The following PTPRG variants were observed in gnomAD, a reference collection of about 807,000 sequenced individuals.
The protein encoded by PTPRG is protein tyrosine phosphatase receptor type G, also known as receptor-type tyrosine-protein phosphatase gamma.
In PTPRG, 102 loss-of-function variants were observed where a neutral mutation model predicts 165.3. The ratio of observed to expected loss-of-function variants is 0.62; its 90% CI spans 0.53 to 0.73. PTPRG has a LOEUF of 0.73. Ranked by LOEUF, PTPRG falls within the 30% of genes least tolerant of loss-of-function variation. The probability of loss-of-function intolerance (pLI) is 0.00; values close to 1 mark genes in which losing one functional copy is unlikely to be tolerated. For missense variants in PTPRG, 1,866 were observed against 1,861.4 expected (o/e 1.00, Z -0.05); for synonymous variants, 675 against 669.5 (o/e 1.01, Z -0.13).
intron 2 of PTPRG, among the ~76,000 whole-genome samples, chr3:61,938,392 T>C (rs541519773): frequency 1.5e-4 from 23 of 152,214 alleles, no homozygotes; most frequent in Non-Finnish European, 2.9e-4. Context: ...CTTTCTGATC[T>C]GGAAAAGGAC....
Position 61,631,585 on chromosome 3 carries a change from T to C in PTPRG, c.85+69213T>C, listed in dbSNP as rs557529117. 1.1e-4 allele frequency among the ~76,000 whole-genome samples: 17 copies of C among 152,344 alleles called. No homozygotes were observed. In the East Asian group the frequency reaches 2.5e-3, roughly 22 times the overall value. ...CAGGCATCCACTAGGGGTCTCAGAATGTATCCCCCTCAGATAAGGAGTGGG... is the reference window on the plus strand; with the variant it reads ...CAGGCATCCACTAGGGGTCTCAGAACGTATCCCCCTCAGATAAGGAGTGGG... On this transcript the variant is annotated intron_variant, in intron 1 of 29. Transcript: ENST00000474889.
At chr3:61,643,831 T>A (rs1244052894) in intron 1 of PTPRG, among the ~76,000 whole-genome samples, 2 of 152,274 alleles carry the variant, frequency 1.3e-5, no homozygotes, top group African/African-American at 2.4e-5. Flanking sequence ...CAGCAAATGC[T>A]TATTGAATGG....
chr3:61,990,811 G>T (rs1247730066), intron 3 of PTPRG, among the ~76,000 whole-genome samples: 1 of 151,820 alleles, frequency 6.6e-6, no homozygotes, highest in East Asian at 1.9e-4. Context: ...CCTTTCAGGA[G>T]CCTTGGCTGT....
chr3:61,714,893 T>A (rs747145000), intron 1 of PTPRG, among the ~76,000 whole-genome samples: 1 of 152,240 alleles, frequency 6.6e-6, no homozygotes, highest in Admixed American at 6.5e-5. Context: ...GGTACCTGAG[T>A]CTAATCCTGA....
chr3:62,064,893 A>T (rs1700958956), intron 4 of PTPRG, among the ~76,000 whole-genome samples: 1 of 151,952 alleles, frequency 6.6e-6, no homozygotes, highest in Non-Finnish European at 1.5e-5. Flanking sequence ...CACCACGCCA[A>T]GCTAATTTTT....
At chr3:62,124,910 A>C (rs1576033248) in intron 5 of PTPRG, among the ~76,000 whole-genome samples, 1 of 152,170 alleles carries the variant, frequency 6.6e-6, no homozygotes, top group Non-Finnish European at 1.5e-5. Flanking sequence ...AAACTAAGCC[A>C]CTAGATCTAG....
At chr3:61,592,628 T>C (rs1700598579) in intron 1 of PTPRG, among the ~76,000 whole-genome samples, 1 of 148,060 alleles carries the variant, frequency 6.8e-6, no homozygotes. Context: ...TTTCTCTCTC[T>C]TTTTCTTTCT....
intron 2 of PTPRG, among the ~76,000 whole-genome samples, chr3:61,949,958 A>G (rs1267825873): frequency 6.6e-6 from 1 of 151,976 alleles, no homozygotes; most frequent in Non-Finnish European, 1.5e-5. Flanking sequence ...ATGTTGGCCA[A>G]GATGGTCTCA....
chr3:62,130,098 C>G (rs1703456792), intron 5 of PTPRG, among the ~76,000 whole-genome samples: 1 of 152,038 alleles, frequency 6.6e-6, no homozygotes, highest in Non-Finnish European at 1.5e-5. Context: ...GTTGGCTGGT[C>G]AGTTGTGGGT....
At chr3:62,193,694 C>G (rs1181722630) in intron 9 of PTPRG, among the ~76,000 whole-genome samples, 1 of 152,228 alleles carries the variant, frequency 6.6e-6, no homozygotes, top group African/African-American at 2.4e-5. Flanking sequence ...TGGCCCTAGC[C>G]TACCCCTCTC....
At chr3:62,039,799 G>A (rs911052554) in intron 4 of PTPRG, among the ~76,000 whole-genome samples, 3 of 150,998 alleles carry the variant, frequency 2.0e-5, no homozygotes, top group Admixed American at 2.0e-4. Context: ...GTAAACACTT[G>A]GCGCCTTTGC....
intron 5 of PTPRG, among the ~76,000 whole-genome samples, chr3:62,093,043 A>G (rs531421564): frequency 6.6e-6 from 1 of 152,320 alleles, no homozygotes; most frequent in South Asian, 2.1e-4. Flanking sequence ...GCAAGCTTTA[A>G]ATAATACCGA....
At chr3:61,649,166 T>C (rs543671316) in intron 1 of PTPRG, among the ~76,000 whole-genome samples, 23 of 151,226 alleles carry the variant, frequency 1.5e-4, no homozygotes, top group African/African-American at 5.6e-4. Context: ...CTCCCTTCTT[T>C]CCCTCCCTCC....
At chr3:62,098,555 T>C (rs1267996663) in intron 5 of PTPRG, among the ~76,000 whole-genome samples, 21 of 152,074 alleles carry the variant, frequency 1.4e-4, no homozygotes, top group Non-Finnish European at 8.8e-5. Flanking sequence ...GCTTTTATTC[T>C]GGCCATTAAA....
chr3:61,725,176 G>A (rs937335915), intron 1 of PTPRG, among the ~76,000 whole-genome samples: 3 of 151,970 alleles, frequency 2.0e-5, no homozygotes, highest in Admixed American at 6.6e-5. Context: ...GTTGAGATAC[G>A]CTTTTTTTTG....
intron 4 of PTPRG, among the ~76,000 whole-genome samples, chr3:62,008,024 G>A (rs942971827): frequency 6.6e-6 from 1 of 152,200 alleles, no homozygotes; most frequent in African/African-American, 2.4e-5. Flanking sequence ...AGGATGACCT[G>A]TTTCAGTTCT....
chr3:62,080,367 C>CG (rs1701529809), intron 5 of PTPRG, among the ~76,000 whole-genome samples: 1 of 152,034 alleles, frequency 6.6e-6, no homozygotes, highest in African/African-American at 2.4e-5. Context: ...TGAGCCACTG[C>CG]GCCCAGCCCC....
intron 2 of PTPRG, among the ~76,000 whole-genome samples, chr3:61,870,965 CAGG>C (rs745677432): frequency 2.6e-5 from 4 of 152,002 alleles, no homozygotes; most frequent in Non-Finnish European, 5.9e-5. Flanking sequence ...ATATTCGAAT[CAGG>C]GGTTTCAGGA....
At chr3:62,277,467 C>T in intron 25 of PTPRG, 84 bp from the exon 26 acceptor site, 1 of 1,457,516 alleles carries the variant, frequency 6.9e-7, no homozygotes, top group Non-Finnish European at 9.4e-7. Flanking sequence ...ACAGTGCTAT[C>T]TTATTTCATG....
Sources: gnomAD v4.1 joint callset for allele counts (sites outside exome capture counted in the v4.1 genomes callset) on GRCh38, gnomAD v4.1.1 for gene constraint, MANE v1.5 for transcripts, NCBI Gene and HGNC (gene_info 2026-07-23, HGNC 2026-07-21) for gene names.